The following GALC variants were observed in gnomAD, a reference collection of about 807,000 sequenced individuals.
GALC encodes galactosylceramidase.
A neutral mutation model predicts 91.8 loss-of-function variants in GALC; 77 were observed. The ratio of observed to expected loss-of-function variants is 0.84; its 90% CI spans 0.70 to 1.01. The LOEUF is 1.01. GALC is among the 50% of genes least tolerant of loss of function. The probability of loss-of-function intolerance (pLI) is 0.00; values close to 1 mark genes in which losing one functional copy is unlikely to be tolerated. For missense variants in GALC, 882 were observed against 855.9 expected, an observed-to-expected ratio of 1.03 and a Z score of -0.38; for synonymous variants, 357 against 306.7, an observed-to-expected ratio of 1.16 and a Z score of -1.71.
chr14:87,976,644 T>C, intron 6 of GALC, 156 bp from the exon 7 acceptor site: 4 of 660,714 alleles, frequency 6.1e-6, no homozygotes, highest in Non-Finnish European at 1.0e-5. Flanking sequence ...AGACAGAGGC[T>C]TCTCTCGTCG....
At chr14:87,953,998 T>C (rs143872069) in intron 10 of GALC, 26 of 1,609,474 alleles carry the variant, frequency 1.6e-5, no homozygotes, top group African/African-American at 1.3e-4. Context: ...CTTGGAGATA[T>C]AATTTTACTC....
chr14:87,953,578 A>G, intron 10 of GALC: 18 of 1,609,708 alleles, frequency 1.1e-5, no homozygotes, highest in Non-Finnish European at 1.4e-5. Context: ...TAGCTCAGGA[A>G]TACTGTGTTC....
At chr14:87,992,258 T>C in intron 1 of GALC, 1 of 1,528,344 alleles carries the variant, frequency 6.5e-7, no homozygotes, top group Non-Finnish European at 8.8e-7. Flanking sequence ...ACATTAGCCC[T>C]AGATGTAATT....
At chr14:87,988,563 C>A in intron 1 of GALC, 40 bp from the exon 2 acceptor site, 1 of 1,416,190 alleles carries the variant, frequency 7.1e-7, no homozygotes. Flanking sequence ...TAAAAGAAAT[C>A]CAGTCATGAA....
At chr14:87,956,237 A>G (rs1177316346) in intron 10 of GALC, among the ~76,000 whole-genome samples, 7 of 152,010 alleles carry the variant, frequency 4.6e-5, no homozygotes, top group African/African-American at 7.2e-5. Flanking sequence ...CACATTCTCC[A>G]AGGAGCAACA....
rs559645160 is a variant in GALC at position 87,951,960 on chromosome 14, C to G, written c.1162-1212G>C. On this transcript the variant is annotated intron_variant, in intron 10 of 16. Coordinates refer to ENST00000261304, the MANE Select transcript of GALC (RefSeq NM_000153.4). Reference sequence around the variant, plus strand: ...ATTTTAAAAGATTACAAATTGGGTTCAATGTATACTGCTCGGGGATGGGTG... The same window carrying G: ...ATTTTAAAAGATTACAAATTGGGTTGAATGTATACTGCTCGGGGATGGGTG... 2.0e-4 allele frequency among the ~76,000 whole-genome samples: 30 copies of G among 151,780 alleles called. No homozygotes were observed. The South Asian group carries it at 6.2e-3, about 32-fold the overall frequency.
chr14:87,952,935 C>A, intron 10 of GALC: 1 of 881,644 alleles, frequency 1.1e-6, no homozygotes, highest in Non-Finnish European at 1.9e-6. Flanking sequence ...TATAGATGAA[C>A]AGCCTAAACA....
intron 7 of GALC, among the ~76,000 whole-genome samples, chr14:87,975,807 T>C (rs1309252445): frequency 6.6e-6 from 1 of 152,050 alleles, no homozygotes; most frequent in Non-Finnish European, 1.5e-5. Context: ...CAAATGTTTA[T>C]ATCCTGAGTC....
chr14:87,969,372 A>G (rs989361220), intron 7 of GALC, among the ~76,000 whole-genome samples: 1 of 152,174 alleles, frequency 6.6e-6, no homozygotes, highest in African/African-American at 2.4e-5. Flanking sequence ...TGCCTCCTTC[A>G]CTCTATCATT....
intron 10 of GALC, chr14:87,953,744 G>A (rs1885404143): frequency 6.2e-7 from 1 of 1,605,474 alleles, no homozygotes; most frequent in Non-Finnish European, 8.5e-7. Context: ...ATGGATCAGA[G>A]GAATGTGTCT....
At chr14:87,955,143 T>C in intron 10 of GALC, 1 of 1,334,064 alleles carries the variant, frequency 7.5e-7, no homozygotes, top group Non-Finnish European at 1.1e-6. Context: ...TACAACAAGA[T>C]TTCTCCCTCC....
At chr14:87,986,409 A>C in intron 4 of GALC, 80 bp downstream of exon 4, 12 of 875,546 alleles carry the variant, frequency 1.4e-5, no homozygotes, top group Non-Finnish European at 1.7e-5. Context: ...CCGTATTAAT[A>C]GAGATTCCAC....
intron 8 of GALC, among the ~76,000 whole-genome samples, chr14:87,966,938 G>T (rs1330602415): frequency 2.0e-5 from 3 of 152,120 alleles, no homozygotes; most frequent in African/African-American, 4.8e-5. Context: ...TTCCCAACTT[G>T]TGTGGCATCA....
chr14:87,936,973 G>C (rs1258557617), intron 16 of GALC, among the ~76,000 whole-genome samples: 1 of 143,806 alleles, frequency 7.0e-6, no homozygotes, highest in Non-Finnish European at 1.5e-5. Context: ...TCATGGATGG[G>C]AAAATTGAAG....
intron 10 of GALC, chr14:87,953,210 C>A: frequency 6.7e-7 from 1 of 1,497,694 alleles, no homozygotes. Flanking sequence ...TCAACTGATA[C>A]GGAATTTCTC....
intron 14 of GALC, among the ~76,000 whole-genome samples, chr14:87,942,855 C>T (rs998961466): frequency 1.3e-5 from 2 of 152,036 alleles, no homozygotes; most frequent in African/African-American, 4.8e-5. Flanking sequence ...AGCCCAGTCT[C>T]TCTTGTATGT....
At chr14:87,968,190 G>T in intron 8 of GALC, 145 bp downstream of exon 8, 1 of 632,240 alleles carries the variant, frequency 1.6e-6, no homozygotes, top group Non-Finnish European at 2.8e-6. Context: ...ATTAGGTATA[G>T]GTATACAAAT....
chr14:87,992,662 G>C (rs907865529), intron 1 of GALC: 77 of 1,439,602 alleles, frequency 5.3e-5, no homozygotes, highest in Middle Eastern at 5.1e-4. Context: ...TGCCTGGGAC[G>C]AGGGTTCCAG....
chr14:87,984,661 A>C (rs904712401), intron 4 of GALC, 128 bp from the exon 5 acceptor site: 2 of 863,772 alleles, frequency 2.3e-6, no homozygotes, highest in Admixed American at 2.1e-5. Context: ...TGACTAAAGG[A>C]AAGTTTATAT....
Sources: allele counts gnomAD v4.1 joint callset (sites outside exome capture counted in the v4.1 genomes callset), GRCh38; gene constraint gnomAD v4.1.1; transcripts MANE v1.5; gene names NCBI Gene and HGNC (gene_info 2026-07-23, HGNC 2026-07-21).